Variants in PLEKHG1 observed in about 807,000 individuals in gnomAD.
The protein encoded by PLEKHG1 is pleckstrin homology and RhoGEF domain containing G1.
Under a neutral mutation model 100.8 loss-of-function variants are expected in PLEKHG1, and 44 were observed. That is an observed-to-expected ratio of 0.44 (90% CI 0.34 to 0.56). The LOEUF (loss-of-function observed/expected upper bound fraction) is 0.56. Among genes scored for constraint, PLEKHG1 ranks in the 20% least tolerant of loss-of-function variants. The pLI is 0.01. For missense variants in PLEKHG1, 1,545 were observed against 1,720.9 expected, an observed-to-expected ratio of 0.90 and a Z score of 1.81; for synonymous variants, 640 against 662.5, an observed-to-expected ratio of 0.97 and a Z score of 0.52.
At chr6:150,830,804 T>A in exon 15 of PLEKHG1, 1 of 1,614,070 alleles carries the variant, frequency 6.2e-7, no homozygotes, top group Non-Finnish European at 8.5e-7. Context: ...GTTCGTGCCG[T>A]CATTTTCCTC....
At chr6:150,828,495 T>G (rs1038756638) in intron 14 of PLEKHG1, 136 of 908,234 alleles carry the variant, frequency 1.5e-4, no homozygotes, top group Non-Finnish European at 2.1e-4. Flanking sequence ...GTATAAATTA[T>G]GTTTCAAATC....
chr6:150,614,952 G>GT (rs1200547333), intron 1 of PLEKHG1, among the ~76,000 whole-genome samples: 2 of 152,150 alleles, frequency 1.3e-5, no homozygotes, highest in Non-Finnish European at 2.9e-5. Flanking sequence ...CTGGAGGATT[G>GT]TATCACCTCT....
chr6:150,719,124 C>T (rs990231852), upstream of PLEKHG1, among the ~76,000 whole-genome samples: 11 of 152,120 alleles, frequency 7.2e-5, no homozygotes, highest in Admixed American at 7.2e-4. Flanking sequence ...CCCAATATGG[C>T]CCCCGCTGTC....
intron 2 of PLEKHG1, among the ~76,000 whole-genome samples, chr6:150,754,643 T>C (rs1220174878): frequency 2.0e-5 from 3 of 151,714 alleles, no homozygotes; most frequent in Admixed American, 2.0e-4. Context: ...TCTTGGAAAC[T>C]TTTAGATGGC....
At chr6:150,605,874 GAA>G (rs1200403126) in intron 1 of PLEKHG1, 1 of 152,308 alleles carries the variant, frequency 6.6e-6, no homozygotes, top group African/African-American at 2.4e-5. Context: ...CATAAGTTGT[GAA>G]AAGTGTGTTC....
chr6:150,669,380 A>AT (rs1311929020), intron 3 of PLEKHG1, among the ~76,000 whole-genome samples: 1 of 152,032 alleles, frequency 6.6e-6, no homozygotes, highest in East Asian at 1.9e-4. Flanking sequence ...ACCTAGTTTG[A>AT]TGTCTAACTC....
At chr6:150,718,299 C>G (rs893742984), upstream of PLEKHG1, among the ~76,000 whole-genome samples, 2 of 151,990 alleles carry the variant, frequency 1.3e-5, no homozygotes, top group Non-Finnish European at 2.9e-5. Flanking sequence ...TTCAGTGTGT[C>G]CAGCATGTGG....
rs564028954 is a variant in PLEKHG1 at position 150,677,954 on chromosome 6, G to A, written c.-99+27168G>A. Among the ~76,000 whole-genome samples, 484 of 117,890 alleles carry A rather than the reference G, an allele frequency of 4.1e-3. 1 individual carries two copies. The highest frequency in any genetic ancestry group is 0.018 in the African/African-American group (466 of 26,572). The allele number at this position is 117,890 out of a possible 152,430, so 77.3% of individuals were successfully genotyped here. ...ATAAAGGCAAAATGCAACAAAATAG[G>A]TCATAGGTCAATGTGTTCCCTGACT... On this transcript the variant is annotated intron_variant, in intron 3 of 3. Coordinates refer to the PLEKHG1 transcript ENST00000367326.
intron 3 of PLEKHG1, among the ~76,000 whole-genome samples, chr6:150,774,898 G>T (rs742638): frequency 6.7e-4 from 102 of 151,674 alleles, no homozygotes; most frequent in African/African-American, 2.5e-3. Context: ...TTTTTTTTCA[G>T]ACATGTTCAT....
chr6:150,772,013 A>G (rs1202581577), intron 3 of PLEKHG1, among the ~76,000 whole-genome samples: 1 of 152,198 alleles, frequency 6.6e-6, no homozygotes, highest in Non-Finnish European at 1.5e-5. Flanking sequence ...TATAAACAAT[A>G]TTGAATCCAG....
intron 1 of PLEKHG1, among the ~76,000 whole-genome samples, chr6:150,627,586 T>C (rs1009064661): frequency 1.1e-4 from 17 of 151,984 alleles, no homozygotes; most frequent in Admixed American, 2.0e-4. Flanking sequence ...ACTGCACTTC[T>C]TTTTTTTAAC....
At chr6:150,671,226 C>T (rs764545535) in intron 3 of PLEKHG1, among the ~76,000 whole-genome samples, 2 of 152,016 alleles carry the variant, frequency 1.3e-5, no homozygotes, top group Non-Finnish European at 2.9e-5. Context: ...TTTTGAATAA[C>T]GACTTCTTTT....
chr6:150,836,822 CAA>C (rs58375227), intron 15 of PLEKHG1, among the ~76,000 whole-genome samples: 15 of 131,206 alleles, frequency 1.1e-4, no homozygotes, highest in East Asian at 2.2e-4. Flanking sequence ...GACCCTGTCT[CAA>C]AAAAAAAAAA....
chr6:150,636,956 A>G (rs888575084), intron 1 of PLEKHG1, among the ~76,000 whole-genome samples: 4 of 152,158 alleles, frequency 2.6e-5, no homozygotes, highest in Admixed American at 2.6e-4. Flanking sequence ...CTTCTACCCT[A>G]TGACTAAGAT....
At chr6:150,768,726 A>C (rs752780025) in exon 3 of PLEKHG1, 3 of 1,576,600 alleles carry the variant, frequency 1.9e-6, no homozygotes, top group East Asian at 2.2e-5. Flanking sequence ...CAGGATATCT[A>C]CCACTTCAAT....
chr6:150,831,248 C>T lies in PLEKHG1; in HGVS notation c.2137C>T (p.Leu713Phe). Residue 713 changes from leucine (L) to phenylalanine (F), a missense_variant, in exon 15 of 16, where the codon CTT becomes TTT. Coordinates refer to ENST00000358517, the Ensembl canonical transcript of PLEKHG1. The surrounding 1 kb of genome is among the most constrained non-coding windows in gnomAD (Gnocchi z 4.1). ...GCAAGCTGGCCACAGTAAGGGCTCT[C>T]TTTACGCACAAACAGATGGCACCCT... The T allele has an allele frequency of 6.2e-7, 1 of 1,614,134 alleles. No homozygotes were observed. The highest frequency in any genetic ancestry group is 8.5e-7 in the Non-Finnish European group (1 of 1,180,016).
chr6:150,623,431 C>A (rs1376475002), intron 1 of PLEKHG1, among the ~76,000 whole-genome samples: 1 of 152,142 alleles, frequency 6.6e-6, no homozygotes, highest in East Asian at 1.9e-4. Flanking sequence ...ATGTCGCATG[C>A]CTTTTATGTG....
At chr6:150,624,398 T>A (rs188098654) in intron 1 of PLEKHG1, among the ~76,000 whole-genome samples, 1 of 152,298 alleles carries the variant, frequency 6.6e-6, no homozygotes, top group Admixed American at 6.5e-5. Flanking sequence ...TCGAGCCCCA[T>A]GAGTAAAGGA....
chr6:150,698,450 A>G lies in PLEKHG1; in HGVS notation c.-98-35134A>G, dbSNP rs139117416. ...TTAGTTAAGGAAGTTGTTAGCATAT[A>G]AAGGGTTTGACTACCTAACCTGATT... On this transcript the variant is annotated intron_variant, in intron 3 of 3. Transcript: ENST00000367326. Among the ~76,000 whole-genome samples, 1,272 of 152,052 alleles carry G rather than the reference A, an allele frequency of 8.4e-3. 19 individuals carry two copies. Among genetic ancestry groups the G allele is most frequent in the African/African-American group, 0.029 (1,194 of 41,468 alleles).
Sources: allele counts gnomAD v4.1 joint callset (sites outside exome capture counted in the v4.1 genomes callset), GRCh38; gene constraint gnomAD v4.1.1; non-coding constraint Gnocchi (gnomAD v3.1); transcripts MANE v1.5; gene names NCBI Gene and HGNC (gene_info 2026-07-23, HGNC 2026-07-21).